Variants in NUP37 observed in about 807,000 individuals in gnomAD.
The protein encoded by NUP37 is nucleoporin 37.
In NUP37, 33 loss-of-function variants were observed where a neutral mutation model predicts 45.4. The observed-to-expected ratio is 0.73, with a 90% confidence interval of 0.55 to 0.97. NUP37 has a LOEUF of 0.97. Ranked by LOEUF, NUP37 falls within the 50% of genes least tolerant of loss-of-function variation. The pLI, the probability that NUP37 is intolerant of heterozygous loss-of-function variation, is 0.00. For synonymous variants in NUP37, 127 were observed against 130.7 expected (o/e 0.97, Z 0.19); for missense variants, 365 against 389.7 (o/e 0.94, Z 0.53).
intron 5 of NUP37, 48 bp from the exon 6 acceptor site, chr12:102,085,904 T>A: frequency 3.4e-6 from 3 of 878,834 alleles, no homozygotes; most frequent in Non-Finnish European, 5.3e-6. Flanking sequence ...GATATATCAT[T>A]ACTAAAAAAT....
chr12:102,077,793 T>C (rs1357736633), intron 6 of NUP37, among the ~76,000 whole-genome samples: 1 of 152,230 alleles, frequency 6.6e-6, no homozygotes, highest in African/African-American at 2.4e-5. Context: ...GTGTATAAGG[T>C]ATACATGAAA....
intron 6 of NUP37, among the ~76,000 whole-genome samples, chr12:102,083,588 T>G (rs1207049038): frequency 2.0e-5 from 3 of 152,232 alleles, no homozygotes; most frequent in Non-Finnish European, 4.4e-5. Flanking sequence ...TATTTACATG[T>G]TTTTTCTCCC....
rs1447080733 is a variant in NUP37, at chr12:102,108,487, C to T, written c.281+3621G>A. ...ACTGGCTGCCTTGCTCCTCAGCTTGCAGACGCCTTATTGTGGGACTTCATC... is the reference window on the plus strand; with the variant it reads ...ACTGGCTGCCTTGCTCCTCAGCTTGTAGACGCCTTATTGTGGGACTTCATC... On this transcript the variant is annotated intron_variant, in intron 3 of 9. Coordinates refer to ENST00000552283, the MANE Select transcript of NUP37 (RefSeq NM_024057.4). 2.6e-5 allele frequency among the ~76,000 whole-genome samples: 4 copies of T among 152,308 alleles called. No individual in the cohort carries two copies. The East Asian group carries it at 7.7e-4, about 29-fold the overall frequency.
At chr12:102,090,473 T>C (rs1359984677) in intron 5 of NUP37, among the ~76,000 whole-genome samples, 3 of 152,216 alleles carry the variant, frequency 2.0e-5, no homozygotes, top group Non-Finnish European at 4.4e-5. Flanking sequence ...AAACCACTGG[T>C]TGTATGGGAT....
At chr12:102,099,232 G>A (rs1189025255) in intron 4 of NUP37, 32 bp from the exon 5 acceptor site, 11 of 1,459,428 alleles carry the variant, frequency 7.5e-6, no homozygotes, top group Non-Finnish European at 1.1e-5. Context: ...AGCTTAGCAA[G>A]AAAACAGAAA....
intron 6 of NUP37, 29 bp from the exon 7 acceptor site, chr12:102,077,532 C>CA (rs770468613): frequency 6.3e-7 from 1 of 1,587,516 alleles, no homozygotes; most frequent in South Asian, 1.1e-5. Context: ...AAAAGAAACT[C>CA]AATCACTTAT....
chr12:102,073,620 T>C lies in NUP37; in HGVS notation c.*734A>G, dbSNP rs1879090083. 1 of 152,242 alleles carries C rather than the reference T, an allele frequency of 6.6e-6. No homozygotes were observed. Among genetic ancestry groups the C allele is most frequent in the Non-Finnish European group, 1.5e-5 (1 of 68,042 alleles). 9.4% of individuals were successfully genotyped at this position (152,242 alleles called of 1,614,324 possible). ...CTGAAAACAATTTTTTACATTAAAT[T>C]GAGTACACATACACATATATATACT... is the stretch of plus-strand genomic sequence containing the variant. On this transcript the variant is annotated 3_prime_UTR_variant, in exon 10 of 10. Coordinates refer to ENST00000552283, the MANE Select transcript of NUP37 (RefSeq NM_024057.4).
intron 8 of NUP37, 90 bp from the exon 9 acceptor site, chr12:102,075,184 T>G (rs888381583): frequency 1.5e-5 from 12 of 825,888 alleles, no homozygotes; most frequent in Middle Eastern, 5.3e-4. Context: ...TTCTTTTTCT[T>G]TTTTTTTAAG....
chr12:102,118,585 T>C lies in NUP37; in HGVS notation c.-65-2A>G. On this transcript the variant is annotated splice_acceptor_variant, in intron 1 of 9. Transcript: ENST00000552283. LOFTEE classifies it low-confidence loss of function (5UTR_SPLICE). Reference sequence around the variant, plus strand: ...CTTCTACTGGACAAGGTCACGAAACTGTGGATTAGAGCACAGGTACAATTA... The same window carrying C: ...CTTCTACTGGACAAGGTCACGAAACCGTGGATTAGAGCACAGGTACAATTA... The C allele has an allele frequency of 7.0e-7, 1 of 1,435,574 alleles. No homozygotes were observed. The highest frequency in any genetic ancestry group is 9.5e-7 in the Non-Finnish European group (1 of 1,048,014). The allele number at this position is 1,435,574 out of a possible 1,614,324, so 88.9% of individuals were successfully genotyped here.
chr12:102,087,338 C>A (rs1334486121), intron 5 of NUP37, among the ~76,000 whole-genome samples: 3 of 152,178 alleles, frequency 2.0e-5, no homozygotes, highest in African/African-American at 7.2e-5. Context: ...TATTCTTCTT[C>A]CTTGTAGAAA....
In NUP37 at chr12:102,118,346, C is replaced by A. The variant is rs1192452544; in HGVS notation, c.156+17G>T. 1 of 1,603,518 alleles carries A rather than the reference C, an allele frequency of 6.2e-7. No individual in the cohort carries two copies. Among genetic ancestry groups the A allele is most frequent in the Non-Finnish European group, 8.5e-7 (1 of 1,175,592 alleles). Reference sequence around the variant, plus strand: ...GAAATATGTTCACTGTCATTCGGTGCAGTTTTGTAGACTAACCTGAAACGT... The same window carrying A: ...GAAATATGTTCACTGTCATTCGGTGAAGTTTTGTAGACTAACCTGAAACGT... On this transcript the variant is annotated intron_variant, in intron 2 of 9. Coordinates refer to ENST00000552283, the MANE Select transcript of NUP37 (RefSeq NM_024057.4).
At chr12:102,117,931 A>G (rs1880510531) in intron 2 of NUP37, among the ~76,000 whole-genome samples, 1 of 152,226 alleles carries the variant, frequency 6.6e-6, no homozygotes, top group Non-Finnish European at 1.5e-5. Flanking sequence ...GTATGACAGC[A>G]TACTAATAGG....
chr12:102,086,446 C>T (rs944149259), intron 5 of NUP37, among the ~76,000 whole-genome samples: 16 of 152,186 alleles, frequency 1.1e-4, no homozygotes, highest in African/African-American at 3.9e-4. Context: ...TTCCAGTTTT[C>T]TCTCCCCAAG....
intron 3 of NUP37, among the ~76,000 whole-genome samples, chr12:102,102,212 G>A (rs1879990642): frequency 6.6e-6 from 1 of 152,116 alleles, no homozygotes; most frequent in African/African-American, 2.4e-5. Context: ...AGTACAGTGA[G>A]CCATTTTTTC....
chr12:102,114,234 T>G lies in NUP37; in HGVS notation c.157-2002A>C, dbSNP rs1386982059. ...ACAAATCAGTCTCCTAAAAATGAAG[T>G]TTTTGCATGTAAATACACATCATCT... On this transcript the variant is annotated intron_variant, in intron 2 of 9. Transcript: ENST00000552283. Among the ~76,000 whole-genome samples, 29 of 152,182 alleles carry G rather than the reference T, an allele frequency of 1.9e-4. 1 individual carries two copies. The highest frequency in any genetic ancestry group is 1.9e-3 in the Admixed American group (29 of 15,280).
chr12:102,097,288 A>G (rs1313253705), intron 5 of NUP37, among the ~76,000 whole-genome samples: 3 of 152,216 alleles, frequency 2.0e-5, no homozygotes, highest in Admixed American at 6.5e-5. Context: ...TTGAACAATA[A>G]TATCAACAAC....
intron 8 of NUP37, among the ~76,000 whole-genome samples, chr12:102,075,663 T>TA (rs1879145985): frequency 6.6e-6 from 1 of 152,182 alleles, no homozygotes. Context: ...ACAAGGTTGA[T>TA]ACAATCCTTT....
At chr12:102,076,700 A>T in intron 8 of NUP37, 97 bp downstream of exon 8, 1 of 962,394 alleles carries the variant, frequency 1.0e-6, no homozygotes, top group East Asian at 2.6e-5. Context: ...GGGAAAAAAA[A>T]AATCCAGTGC....
intron 3 of NUP37, among the ~76,000 whole-genome samples, chr12:102,110,068 G>A (rs1175919079): frequency 1.3e-5 from 2 of 152,080 alleles, no homozygotes; most frequent in East Asian, 3.8e-4. Flanking sequence ...AGGCTTCTAG[G>A]AAAAAACATG....
Sources: allele counts gnomAD v4.1 joint callset (sites outside exome capture counted in the v4.1 genomes callset), GRCh38; gene constraint gnomAD v4.1.1; transcripts MANE v1.5; gene names NCBI Gene and HGNC (gene_info 2026-07-23, HGNC 2026-07-21).